FLG: variants seen among roughly 807,000 people sequenced by gnomAD.
The protein encoded by FLG is epidermal filaggrin.
Under a neutral mutation model 3.8 loss-of-function variants are expected in FLG, and 6 were observed. That is an observed-to-expected ratio of 1.60 (90% CI 0.87 to 3.15). FLG has a LOEUF of 3.15. Among genes scored for constraint, FLG ranks in the 30% most tolerant of loss-of-function variants. FLG has a pLI of 0.00. For missense variants in FLG, 7,595 were observed against 5,050.9 expected, an observed-to-expected ratio of 1.50 and a Z score of -15.27; for synonymous variants, 2,551 against 1,931.6, an observed-to-expected ratio of 1.32 and a Z score of -8.41.
At position 152,312,968 on chromosome 1, in the gene FLG, A is replaced by G; in HGVS notation, c.1918T>C (p.Ser640Pro). 8.1e-6 allele frequency: 13 copies of G among 1,613,844 alleles called. No homozygotes were observed. Among genetic ancestry groups the G allele is most frequent in the Non-Finnish European group, 1.1e-5 (13 of 1,179,994 alleles). ...HSEDSERWSG[S>P]ASRNHHGSAQ... ...GATCCATGATGGTTTCTGGAAGCAGACCCAGACCACCTCTCAGAGTCTTCT... is the reference window on the plus strand; with the variant it reads ...GATCCATGATGGTTTCTGGAAGCAGGCCCAGACCACCTCTCAGAGTCTTCT... The change falls in exon 3 of 3, where the codon TCT becomes CCT. Residue 640 changes from serine (S) to proline (P), a missense_variant. Coordinates refer to ENST00000368799, the MANE Select transcript of FLG (RefSeq NM_002016.2).
At position 152,310,527 on chromosome 1, in the gene FLG, GGACTCA is replaced by G; in HGVS notation, c.4353_4358del (p.Glu1452_Ser1453del). The G allele has an allele frequency of 6.2e-7, 1 of 1,613,656 alleles. No individual in the cohort carries two copies. Among genetic ancestry groups the G allele is most frequent in the Non-Finnish European group, 8.5e-7 (1 of 1,179,868 alleles). ...TGCTGGGTGCAGTCTGTCCGTGTGTGGACTCAGACTGTTCATGAGAGCTCACCTGGT... is the reference window on the plus strand; with the variant it reads ...TGCTGGGTGCAGTCTGTCCGTGTGTGGACTGTTCATGAGAGCTCACCTGGT... On this transcript the variant is annotated inframe_deletion, in exon 3 of 3. Transcript: ENST00000368799.
rs149375595 is a variant in FLG at position 152,309,443 on chromosome 1, C to G, written c.5443G>C (p.Gly1815Arg). Reference protein sequence around the residue: ...ASQEGQDTIRGHPGSSRGGRQ... With the variant: ...ASQEGQDTIRRHPGSSRGGRQ... Reference sequence around the variant, plus strand: ...CCTCCTCTGCTTGACCCTGGGTGTCCACGAATGGTGTCCTGACCCTCTTGG... The same window carrying G: ...CCTCCTCTGCTTGACCCTGGGTGTCGACGAATGGTGTCCTGACCCTCTTGG... The change falls in exon 3 of 3, where the codon GGA (glycine) becomes CGA (arginine). Residue 1815 changes from glycine (G) to arginine (R), a missense_variant. Gly to Arg is a moderately radical substitution (Grantham distance 125). Transcript: ENST00000368799. 7 of 1,613,222 alleles carry G rather than the reference C, an allele frequency of 4.3e-6. No individual in the cohort carries two copies. In the South Asian group the frequency reaches 6.6e-5, roughly 15 times the overall value.
chr1:152,307,563 G>T lies in FLG; in HGVS notation c.7323C>A (p.Ser2441=). The T allele has an allele frequency of 6.2e-7, 1 of 1,613,806 alleles. No individual in the cohort carries two copies. Among genetic ancestry groups the T allele is most frequent in the South Asian group, 1.1e-5 (1 of 91,052 alleles). The change falls in exon 3 of 3, where the codon TCC becomes TCA. Residue 2441 remains serine, a synonymous_variant. Coordinates refer to ENST00000368799, the MANE Select transcript of FLG (RefSeq NM_002016.2). Reference sequence around the variant, plus strand: ...AGCTGTCTCGTGCCTGCTTGTGGTGGGATCCTTGTCTTCCTCCAGTGCTGG... The same window carrying T: ...AGCTGTCTCGTGCCTGCTTGTGGTGTGATCCTTGTCTTCCTCCAGTGCTGG... ...TGTSTGGRQG[S]HHKQARDSSR...
In FLG at chr1:152,310,312, T is replaced by C. The variant is rs1557877601; in HGVS notation, c.4574A>G (p.Gln1525Arg). The change falls in exon 3 of 3, where the codon CAG (glutamine) becomes CGG (arginine). Residue 1525 changes from glutamine (Q) to arginine (R), a missense_variant. Transcript: ENST00000368799. ...SGYHHSHTTP[Q>R]GRSDASHGQS... ...CCCATGGGAGGCATCAGACCTTCCC[T>C]GGGGTGTGGTGTGGCTGTGATGGTA... is the stretch of plus-strand genomic sequence containing the variant. 1 of 1,613,900 alleles carries C rather than the reference T, an allele frequency of 6.2e-7. No individual in the cohort carries two copies. Among genetic ancestry groups the C allele is most frequent in the Non-Finnish European group, 8.5e-7 (1 of 1,179,974 alleles).
In FLG at chr1:152,307,576, C is replaced by T. The variant is rs575169730; in HGVS notation, c.7310G>A (p.Gly2437Glu). The change falls in exon 3 of 3, where the codon GGA (glycine) becomes GAA (glutamate). Residue 2437 changes from glycine to glutamate, a missense_variant. Coordinates refer to ENST00000368799, the MANE Select transcript of FLG (RefSeq NM_002016.2). ...CTGCTTGTGGTGGGATCCTTGTCTT[C>T]CTCCAGTGCTGGTCCCGGTCCGTCC... Reference protein sequence around the residue: ...AHGRTGTSTGGRQGSHHKQAR... With the variant: ...AHGRTGTSTGERQGSHHKQAR... The T allele has an allele frequency of 3.1e-6, 5 of 1,613,496 alleles. No individual in the cohort carries two copies. In the African/African-American group the frequency reaches 4.0e-5, roughly 13 times the overall value.
rs1361942450 is a variant in FLG, at chr1:152,309,162, G to C, written c.5724C>G (p.Pro1908=). The C allele has an allele frequency of 6.2e-7, 1 of 1,613,520 alleles. No homozygotes were observed. The highest frequency in any genetic ancestry group is 2.2e-5 in the East Asian group (1 of 44,812). ...TGGATCCCTGGTTCCTGCTTGTCCTGGGCCCTGATGATTGTCCCTGGCCCA... is the reference window on the plus strand; with the variant it reads ...TGGATCCCTGGTTCCTGCTTGTCCTCGGCCCTGATGATTGTCCCTGGCCCA... ...SQVGQGQSSG[P]RTSRNQGSSV... Residue 1908 remains proline, a synonymous_variant, in exon 3 of 3, where the codon CCC becomes CCG. Coordinates refer to ENST00000368799, the MANE Select transcript of FLG (RefSeq NM_002016.2).
Position 152,302,385 on chromosome 1 carries a change from G to C in FLG, c.*315C>G, listed in dbSNP as rs968327664. On this transcript the variant is annotated 3_prime_UTR_variant, in exon 3 of 3. Transcript: ENST00000368799. Reference sequence around the variant, plus strand: ...GAAAAAGATTAATTTAGAAATTTGGGGAGTGTCTAAAACTTAAACTTTCAA... The same window carrying C: ...GAAAAAGATTAATTTAGAAATTTGGCGAGTGTCTAAAACTTAAACTTTCAA... 1.2e-5 allele frequency: 4 copies of C among 327,498 alleles called. No individual in the cohort carries two copies. Among genetic ancestry groups the C allele is most frequent in the African/African-American group, 8.6e-5 (4 of 46,442 alleles). 20.3% of individuals were successfully genotyped at this position (327,498 alleles called of 1,614,324 possible). A position where few individuals can be genotyped will look rare whatever the true frequency, so the allele number is the denominator to read the frequency against.
rs1365639936 is a variant in FLG at position 152,302,350 on chromosome 1, C to T, written c.*350G>A. The T allele has an allele frequency of 3.8e-5, 11 of 290,604 alleles. No individual in the cohort carries two copies. Among genetic ancestry groups the T allele is most frequent in the East Asian group, 1.8e-4 (2 of 10,858 alleles). The allele number at this position is 290,604 out of a possible 1,614,324, so 18.0% of individuals were successfully genotyped here. A position where few individuals can be genotyped will look rare whatever the true frequency, so the allele number is the denominator to read the frequency against. Reference sequence around the variant, plus strand: ...AACTGTTTTATATTTTTGGCTCCTTCGATATTTCTGAAAAAGATTAATTTA... The same window carrying T: ...AACTGTTTTATATTTTTGGCTCCTTTGATATTTCTGAAAAAGATTAATTTA... On this transcript the variant is annotated 3_prime_UTR_variant, in exon 3 of 3. Coordinates refer to ENST00000368799, the MANE Select transcript of FLG (RefSeq NM_002016.2).
In FLG at chr1:152,305,151, C is replaced by T. The variant is rs1651872391; in HGVS notation, c.9735G>A (p.Glu3245=). 1.2e-6 allele frequency: 2 copies of T among 1,613,782 alleles called. No homozygotes were observed. The highest frequency in any genetic ancestry group is 1.6e-4 in the Middle Eastern group (1 of 6,082). The part of the protein sequence containing the change: ...ASRNHRGSVQ[E]QSRHGSRHPR... ...GGTGTCTGGAGCCGTGCCTTGACTG[C>T]TCCTGAACAGATCCACGATGGTTTC... Residue 3245 remains glutamate, a synonymous_variant, in exon 3 of 3, where the codon GAG becomes GAA. Coordinates refer to ENST00000368799, the MANE Select transcript of FLG (RefSeq NM_002016.2).
chr1:152,313,061 A>G lies in FLG; in HGVS notation c.1825T>C (p.Ser609Pro). ...TGGTTCCTACTTGTCCTGGGCCCCG[A>G]TGATTGTCCCTGGCCCACCTGTGAG... ...RHSQVGQGQSSGPRTSRNQGS... is the reference protein window; with the variant it reads ...RHSQVGQGQSPGPRTSRNQGS... Residue 609 changes from serine (S) to proline (P), a missense_variant, in exon 3 of 3, where the codon TCG (serine) becomes CCG (proline). Coordinates refer to ENST00000368799, the MANE Select transcript of FLG (RefSeq NM_002016.2). The G allele has an allele frequency of 6.2e-7, 1 of 1,613,670 alleles. No homozygotes were observed. Among genetic ancestry groups the G allele is most frequent in the Non-Finnish European group, 8.5e-7 (1 of 1,179,938 alleles).
At position 152,312,456 on chromosome 1, in the gene FLG, T is replaced by C. The variant is rs138597668; in HGVS notation, c.2430A>G (p.Thr810=). 67 of 1,613,410 alleles carry C rather than the reference T, an allele frequency of 4.2e-5. No individual in the cohort carries two copies. Among genetic ancestry groups the C allele is most frequent in the Non-Finnish European group, 5.1e-5 (60 of 1,179,882 alleles). The part of the protein sequence containing the change: ...HKQSESSHGW[T]GPSTGVRQGS... The stretch of plus-strand genomic sequence containing the variant: ...CTTGTCTTACTCCAGTGCTGGGCCC[T>C]GTCCATCCATGGGAGGACTCAGACT... Residue 810 remains threonine, a synonymous_variant, in exon 3 of 3, where the codon ACA becomes ACG. Coordinates refer to ENST00000368799, the MANE Select transcript of FLG (RefSeq NM_002016.2).
rs1189579075 is a variant in FLG, at chr1:152,310,405, C to G, written c.4481G>C (p.Gly1494Ala). 2.0e-5 allele frequency: 33 copies of G among 1,613,372 alleles called. No homozygotes were observed. In the Admixed American group the frequency reaches 5.5e-4, roughly 27 times the overall value. ...TCCCTGCCTTCCTCCTCTGCTTGAC[C>G]CCGGGTGTCCACGAATGGTGTCCTG... The part of the protein sequence containing the change: ...DGQDTIRGHP[G>A]SSRGGRQGSY... The change falls in exon 3 of 3, where the codon GGG becomes GCG. Residue 1494 changes from glycine to alanine, a missense_variant. Coordinates refer to ENST00000368799, the MANE Select transcript of FLG (RefSeq NM_002016.2).
In FLG at chr1:152,304,217, C is replaced by G; in HGVS notation, c.10669G>C (p.Gly3557Arg). 1 of 1,612,230 alleles carries G rather than the reference C, an allele frequency of 6.2e-7. No homozygotes were observed. The highest frequency in any genetic ancestry group is 2.2e-5 in the East Asian group (1 of 44,554). ...GHSEDSERWS[G>R]SASRNHRGSA... ...CCACGATGGTTTCTGGAAGCAGACC[C>G]AGACCACCTCTCAGAGTCTTCTGAG... Residue 3557 changes from glycine to arginine, a missense_variant, in exon 3 of 3, where the codon GGG (glycine) becomes CGG (arginine). By Grantham distance (125) the Gly-to-Arg change is moderately radical. Coordinates refer to ENST00000368799, the MANE Select transcript of FLG (RefSeq NM_002016.2).
rs200249011 is a variant in FLG, at chr1:152,304,079, C to T, written c.10807G>A (p.Ala3603Thr). The change falls in exon 3 of 3, where the codon GCA becomes ACA. Residue 3603 changes from alanine to threonine, a missense_variant. Physicochemically the swap from Ala to Thr is moderately conservative, Grantham distance 58. Transcript: ENST00000368799. ...ESSRQSGTHH[A>T]ENSSGGQAAS... ...GCCTGTCCACCAGAGGAATTCTCTG[C>T]ATGATGAGTGCCTGATTGTCTGGAG... 4.9e-4 allele frequency: 797 copies of T among 1,611,842 alleles called. No homozygotes were observed. The East Asian group carries it at 0.013, about 27-fold the overall frequency.
At position 152,314,356 on chromosome 1, in the gene FLG, T is replaced by C; in HGVS notation, c.530A>G (p.His177Arg). 1 of 1,612,782 alleles carries C rather than the reference T, an allele frequency of 6.2e-7. No homozygotes were observed. The highest frequency in any genetic ancestry group is 8.5e-7 in the Non-Finnish European group (1 of 1,179,526). Residue 177 changes from histidine to arginine, a missense_variant, in exon 3 of 3, where the codon CAT (histidine) becomes CGT (arginine). His to Arg is a conservative substitution (Grantham distance 29). Coordinates refer to ENST00000368799, the MANE Select transcript of FLG (RefSeq NM_002016.2). ...THREEEYGKN[H>R]HNSSKKEKNK... ...TTTCTCTTTTTTACTTGAGTTATGATGGTTTTTTCCATATTCTTCTTCTCT... is the reference window on the plus strand; with the variant it reads ...TTTCTCTTTTTTACTTGAGTTATGACGGTTTTTTCCATATTCTTCTTCTCT...
At position 152,314,491 on chromosome 1, in the gene FLG, T is replaced by C. The variant is rs139087030; in HGVS notation, c.395A>G (p.Asn132Ser). ...RKRPSSLERR[N>S]NRKGNKGRSK... ...TCTTCCCTTATTCCCTTTTCTATTGTTTCTTCTTTCCAGACTTGAGGGTCT... is the reference window on the plus strand; with the variant it reads ...TCTTCCCTTATTCCCTTTTCTATTGCTTCTTCTTTCCAGACTTGAGGGTCT... The change falls in exon 3 of 3, where the codon AAC becomes AGC. Residue 132 changes from asparagine to serine, a missense_variant. Physicochemically the swap from Asn to Ser is conservative, Grantham distance 46. Transcript: ENST00000368799. 3.4e-5 allele frequency: 55 copies of C among 1,613,828 alleles called. No individual in the cohort carries two copies. The African/African-American group carries it at 6.8e-4, about 20-fold the overall frequency.
In FLG at chr1:152,314,408, C is replaced by CT. The variant is rs746683647; in HGVS notation, c.477dup (p.Glu160ArgfsTer10). 121 of 1,612,632 alleles carry CT rather than the reference C, an allele frequency of 7.5e-5. 1 individual carries two copies. Among genetic ancestry groups the CT allele is most frequent in the East Asian group, 1.8e-4 (8 of 44,856 alleles). On this transcript the variant is annotated frameshift_variant, in exon 3 of 3. Coordinates refer to ENST00000368799, the MANE Select transcript of FLG (RefSeq NM_002016.2). LOFTEE classifies it low-confidence loss of function (END_TRUNC). ...TGAGTAGGTGAATATCCTTTTCTTT[C>CT]TTTTTTTTCAGAACTAGATTCATGC...
At position 152,303,564 on chromosome 1, in the gene FLG, G is replaced by T. The variant is rs544796549; in HGVS notation, c.11322C>A (p.His3774Gln). The change falls in exon 3 of 3, where the codon CAC becomes CAA. Residue 3774 changes from histidine (H) to glutamine (Q), a missense_variant. His to Gln is a conservative substitution (Grantham distance 24). Transcript: ENST00000368799. The stretch of plus-strand genomic sequence containing the variant: ...GTCCAGACCTATCTACCGATTGCTC[G>T]TGGTAGGATCCCTGTCTTCCTCCTC... ...SRRGGRQGSY[H>Q]EQSVDRSGHS... The T allele has an allele frequency of 1.2e-5, 20 of 1,613,868 alleles. No individual in the cohort carries two copies. Among genetic ancestry groups the T allele is most frequent in the Non-Finnish European group, 1.7e-5 (20 of 1,180,002 alleles).
chr1:152,303,069 C>T lies in FLG; in HGVS notation c.11817G>A (p.Ala3939=), dbSNP rs751206287. 14 of 1,614,012 alleles carry T rather than the reference C, an allele frequency of 8.7e-6. No individual in the cohort carries two copies. In the Admixed American group the frequency reaches 1.0e-4, roughly 12 times the overall value. ...GHFSSLSQDS[A]YHSGIQSRGS... is the part of the protein sequence containing the mutation. ...CACGTGACTGTATTCCTGAGTGATA[C>T]GCAGAATCTTGTGAAAGACTACTAA... The change falls in exon 3 of 3, where the codon GCG becomes GCA. Residue 3939 remains alanine (A), a synonymous_variant. Coordinates refer to ENST00000368799, the MANE Select transcript of FLG (RefSeq NM_002016.2).
Sources: gnomAD v4.1 joint callset for allele counts on GRCh38, gnomAD v4.1.1 for gene constraint, MANE v1.5 for transcripts, NCBI Gene and HGNC (gene_info 2026-07-23, HGNC 2026-07-21) for gene names.